NFKBIB: variants seen among roughly 807,000 people sequenced by gnomAD.
NFKBIB encodes the protein NF-kappa-B inhibitor beta.
NFKBIB carries 16 observed loss-of-function variants against 32.1 expected under a neutral mutation model. The observed-to-expected ratio is 0.50, with a 90% CI of 0.34 to 0.76. NFKBIB has a LOEUF of 0.76. Among genes scored for constraint, NFKBIB ranks in the 30% least tolerant of loss-of-function variants. The probability of loss-of-function intolerance (pLI) is 0.01; values close to 1 mark genes in which losing one functional copy is unlikely to be tolerated. For missense variants in NFKBIB, 437 were observed against 514.9 expected, an observed-to-expected ratio of 0.85 and a Z score of 1.46; for synonymous variants, 222 against 219.5, an observed-to-expected ratio of 1.01 and a Z score of -0.10.
intron 1 of NFKBIB, among the ~76,000 whole-genome samples, chr19:38,902,085 CTTT>C (rs74176475): frequency 1.1e-5 from 1 of 92,366 alleles, no homozygotes; most frequent in Non-Finnish European, 2.0e-5. Flanking sequence ...CATTTTATTT[CTTT>C]TTTTTTTTTT....
intron 1 of NFKBIB, among the ~76,000 whole-genome samples, chr19:38,902,081 A>ATTTTTTTTTTTTTTTTTTTTTT (rs1220793422): frequency 3.5e-5 from 2 of 56,460 alleles, no homozygotes; most frequent in African/African-American, 5.4e-5. Flanking sequence ...TTTTCATTTT[A>ATTTTTTTTTTTTTTTTTTTTTT]TTTCTTTTTT....
At position 38,907,551 on chromosome 19, in the gene NFKBIB, C is replaced by T. The variant is rs373658066; in HGVS notation, c.861C>T (p.Pro287=). Residue 287 remains proline, a synonymous_variant, in exon 5 of 6, where the codon CCC becomes CCT. Transcript: ENST00000313582. ...PLGSAMLRPN[P]ILARLLRAHG... ...GCAGTGCCATGCTCCGGCCCAACCC[C>T]ATCCTCGCCCGCCTCCTCCGTGCAC... 1.4e-5 allele frequency: 23 copies of T among 1,612,436 alleles called. No individual in the cohort carries two copies. The African/African-American group carries it at 2.7e-4, about 19-fold the overall frequency.
At chr19:38,901,330 C>T (rs1032252522) in intron 1 of NFKBIB, among the ~76,000 whole-genome samples, 1 of 151,954 alleles carries the variant, frequency 6.6e-6, no homozygotes, top group African/African-American at 2.4e-5. Context: ...AAGTCTCACT[C>T]TGTCGCCCAG....
At chr19:38,908,175 G>T in intron 5 of NFKBIB, 2 of 995,222 alleles carry the variant, frequency 2.0e-6, no homozygotes, top group Non-Finnish European at 2.4e-6. Flanking sequence ...AAGGGGTGGA[G>T]GAGGGCCAGC....
chr19:38,904,695 A>G (rs1157052285), intron 1 of NFKBIB, among the ~76,000 whole-genome samples: 1 of 152,136 alleles, frequency 6.6e-6, no homozygotes, highest in Non-Finnish European at 1.5e-5. Context: ...GATTCATTGC[A>G]CGATGTCCAG....
intron 5 of NFKBIB, chr19:38,907,995 C>G (rs543819871): frequency 4.3e-6 from 5 of 1,153,214 alleles, no homozygotes; most frequent in Admixed American, 4.3e-5. Context: ...ACTCACACTG[C>G]GAAAAGAAAA....
chr19:38,904,656 C>T (rs17878267), intron 1 of NFKBIB, among the ~76,000 whole-genome samples: 139 of 152,236 alleles, frequency 9.1e-4, no homozygotes, highest in African/African-American at 3.3e-3. Context: ...GGGCCCACCT[C>T]GTGTTTCCTG....
chr19:38,905,372 G>A lies in NFKBIB; in HGVS notation c.456G>A (p.Arg152=), dbSNP rs181220380. 2.5e-6 allele frequency: 4 copies of A among 1,612,972 alleles called. No homozygotes were observed. In the Admixed American group the frequency reaches 6.7e-5, roughly 27 times the overall value. Residue 152 remains arginine (R), a synonymous_variant, in exon 3 of 6, where the codon CGG becomes CGA. Coordinates refer to ENST00000313582, the MANE Select transcript of NFKBIB (RefSeq NM_002503.5). The surrounding 1 kb of genome is among the most constrained non-coding windows in gnomAD (Gnocchi z 5.5). ...GTGCCCTGCTTCAGCCCCGCCCCCG[G>A]CGCCCCAGGGAAGCCCCCGACACCT... is the stretch of plus-strand genomic sequence containing the variant. The part of the protein sequence containing the change: ...CARALLQPRP[R]RPREAPDTYL...
chr19:38,905,182 CCTGTCCT>C lies in NFKBIB; in HGVS notation c.286-16_286-10del. The C allele has an allele frequency of 6.2e-7, 1 of 1,606,138 alleles. No homozygotes were observed. The highest frequency in any genetic ancestry group is 8.5e-7 in the Non-Finnish European group (1 of 1,175,796). On this transcript the variant is annotated splice_polypyrimidine_tract_variant and intron_variant, in intron 2 of 5. Coordinates refer to ENST00000313582, the MANE Select transcript of NFKBIB (RefSeq NM_002503.5). This position sits in a 1 kb window ranked among gnomAD's most constrained non-coding sequence, Gnocchi z 5.5. ...GGGTTCCCAGTGTGACTCCCTACCG[CCTGTCCT>C]CTGCTTCTGCAGACAGCCCTGCACC...
In NFKBIB at chr19:38,908,694, C is replaced by T. The variant is rs759638016; in HGVS notation, c.970-37C>T. 13 of 1,584,616 alleles carry T rather than the reference C, an allele frequency of 8.2e-6. No homozygotes were observed. In the East Asian group the frequency reaches 9.1e-5, roughly 11 times the overall value. ...CATGGGTGGTGGGCAAAGTGACAGC[C>T]GCCTGAGCCCCTCTGCCTGGTCCCC... is the stretch of plus-strand genomic sequence containing the variant. On this transcript the variant is annotated intron_variant, in intron 5 of 5. Transcript: ENST00000313582.
rs747427661 is a variant in NFKBIB at position 38,905,459 on chromosome 19, C to T, written c.543C>T (p.Pro181=). ...ACCATACCCCTGTCGCCTTGTACCCCGATTCCGACTTGGAGAAGGAAGAAG... is the reference window on the plus strand; with the variant it reads ...ACCATACCCCTGTCGCCTTGTACCCTGATTCCGACTTGGAGAAGGAAGAAG... The part of the protein sequence containing the change: ...DTNHTPVALY[P]DSDLEKEEEE... The change falls in exon 3 of 6, where the codon CCC becomes CCT. Residue 181 remains proline (P), a synonymous_variant. Transcript: ENST00000313582. This position sits in a 1 kb window ranked among gnomAD's most constrained non-coding sequence, Gnocchi z 5.5. The T allele has an allele frequency of 9.9e-6, 16 of 1,613,878 alleles. No homozygotes were observed. Among genetic ancestry groups the T allele is most frequent in the Middle Eastern group, 3.3e-4 (2 of 6,084 alleles).
rs760830914 is a variant in NFKBIB at position 38,907,586 on chromosome 19, C to T, written c.896C>T (p.Pro299Leu). The change falls in exon 5 of 6, where the codon CCT (proline) becomes CTT (leucine). Residue 299 changes from proline to leucine, a missense_variant. By Grantham distance (98) the Pro-to-Leu change is moderately conservative (BLOSUM62 -3). Transcript: ENST00000313582. ...CGCCTCCTCCGTGCACACGGAGCCC[C>T]TGAGCCCGAGGGCGAGGACGAGAAA... ...LARLLRAHGAPEPEGEDEKSG... is the reference protein window; with the variant it reads ...LARLLRAHGALEPEGEDEKSG... 5 of 1,612,438 alleles carry T rather than the reference C, an allele frequency of 3.1e-6. No homozygotes were observed. Among genetic ancestry groups the T allele is most frequent in the South Asian group, 1.1e-5 (1 of 91,032 alleles).
intron 1 of NFKBIB, among the ~76,000 whole-genome samples, chr19:38,903,191 G>C (rs1974020290): frequency 1.3e-5 from 2 of 152,194 alleles, no homozygotes; most frequent in African/African-American, 4.8e-5. Flanking sequence ...GCTGACTCCT[G>C]CTGTAGGGTT....
rs756463777 is a variant in NFKBIB at position 38,907,259 on chromosome 19, G to A, written c.658G>A (p.Val220Met). ...PLHVAVIHKD[V>M]EMVRLLRDAG... is the part of the protein sequence containing the mutation. ...CCACGTGGCCGTTATCCACAAAGAT[G>A]TGGAGATGGTCCGGCTGCTCCGAGA... The change falls in exon 4 of 6, where the codon GTG becomes ATG. Residue 220 changes from valine (V) to methionine (M), a missense_variant. By Grantham distance (21) the Val-to-Met change is conservative. Transcript: ENST00000313582. 2 of 1,613,620 alleles carry A rather than the reference G, an allele frequency of 1.2e-6. No homozygotes were observed. Among genetic ancestry groups the A allele is most frequent in the Non-Finnish European group, 1.7e-6 (2 of 1,179,726 alleles).
chr19:38,903,470 TAG>T (rs1568413408), intron 1 of NFKBIB, among the ~76,000 whole-genome samples: 1 of 152,004 alleles, frequency 6.6e-6, no homozygotes, highest in Non-Finnish European at 1.5e-5. Context: ...GTATTTTTTG[TAG>T]AGACAGGGTC....
chr19:38,904,793 C>A (rs563655675), intron 1 of NFKBIB, among the ~76,000 whole-genome samples: 3 of 152,108 alleles, frequency 2.0e-5, no homozygotes, highest in African/African-American at 4.8e-5. Context: ...GAATTCTGGT[C>A]CATGTTACTT....
Position 38,907,268 on chromosome 19 carries a change from G to A in NFKBIB, c.667G>A (p.Val223Ile). Residue 223 changes from valine to isoleucine, a missense_variant, in exon 4 of 6, where the codon GTC becomes ATC. Coordinates refer to ENST00000313582, the MANE Select transcript of NFKBIB (RefSeq NM_002503.5). ...VAVIHKDVEM[V>I]RLLRDAGADL... ...CGTTATCCACAAAGATGTGGAGATG[G>A]TCCGGCTGCTCCGAGATGCTGGAGC... is the stretch of plus-strand genomic sequence containing the variant. 3 of 1,613,682 alleles carry A rather than the reference G, an allele frequency of 1.9e-6. No homozygotes were observed. In the South Asian group the frequency reaches 3.3e-5, roughly 18 times the overall value.
intron 5 of NFKBIB, 43 bp downstream of exon 5, chr19:38,907,702 G>T: frequency 6.5e-7 from 1 of 1,531,182 alleles, no homozygotes; most frequent in Non-Finnish European, 8.8e-7. Context: ...TGGGGGGTCA[G>T]GATAGACCGG....
At chr19:38,903,077 AAAAC>A (rs1402253830) in intron 1 of NFKBIB, among the ~76,000 whole-genome samples, 3 of 152,054 alleles carry the variant, frequency 2.0e-5, no homozygotes, top group Non-Finnish European at 2.9e-5. Context: ...TCAAAAAAAC[AAAAC>A]AAACAAACAA....
Sources: gnomAD v4.1 joint callset for allele counts (sites outside exome capture counted in the v4.1 genomes callset) on GRCh38, gnomAD v4.1.1 for gene constraint, Gnocchi (gnomAD v3.1) non-coding constraint, MANE v1.5 for transcripts, NCBI Gene and HGNC (gene_info 2026-07-23, HGNC 2026-07-21) for gene names.